The following WDR33 variants were observed in gnomAD, a reference collection of about 807,000 sequenced individuals.
The protein encoded by WDR33 is pre-mRNA 3' end processing protein WDR33.
In WDR33, 47 loss-of-function variants were observed where a neutral mutation model predicts 164.9. The ratio of observed to expected loss-of-function variants is 0.29; its 90% CI spans 0.23 to 0.36. The LOEUF is 0.36. Among genes scored for constraint, WDR33 ranks in the 10% least tolerant of loss-of-function variants. The pLI, the probability that WDR33 is intolerant of heterozygous loss-of-function variation, is 1.00. For missense variants in WDR33, 1,137 were observed against 1,754.1 expected (o/e 0.65, Z 6.28); for synonymous variants, 505 against 589.0 (o/e 0.86, Z 2.06).
At position 127,719,655 on chromosome 2, in the gene WDR33, G is replaced by A. The variant is rs983026852; in HGVS notation, c.2370C>T (p.Pro790=). Residue 790 remains proline (P), a synonymous_variant, in exon 16 of 22, where the codon CCC becomes CCT. Transcript: ENST00000322313. This position sits in a 1 kb window ranked among gnomAD's most constrained non-coding sequence, Gnocchi z 6.5. ...GGGGAGCAGGACCCTGGTTCTCCCG[G>A]GGGCCTGGAGGCCCCTGCATTCCTC... ...NPRGMQGPPG[P]RENQGPAPQG... 1 of 1,612,776 alleles carries A rather than the reference G, an allele frequency of 6.2e-7. No homozygotes were observed. The highest frequency in any genetic ancestry group is 2.2e-5 in the East Asian group (1 of 44,850).
intron 18 of WDR33, among the ~76,000 whole-genome samples, chr2:127,711,600 C>T (rs924499120): frequency 4.7e-5 from 7 of 149,896 alleles, no homozygotes; most frequent in South Asian, 4.2e-4. Flanking sequence ...GGAGCCCTTA[C>T]GTCTTTATTT....
Position 127,722,965 on chromosome 2 carries a change from T to C in WDR33, c.1371A>G (p.Glu457=). The change falls in exon 13 of 22, where the codon GAA becomes GAG. Residue 457 remains glutamate, a synonymous_variant. Transcript: ENST00000322313. This position sits in a 1 kb window ranked among gnomAD's most constrained non-coding sequence, Gnocchi z 5.1. The part of the protein sequence containing the change: ...PEQLKLAMEQ[E]QMGKDESNEI... ...CTGTGTAACTTCTCTTACCCATCTG[T>C]TCTTGTTCCATAGCTAATTTTAGTT... is the stretch of plus-strand genomic sequence containing the variant. The C allele has an allele frequency of 6.2e-7, 1 of 1,609,760 alleles. No homozygotes were observed. The highest frequency in any genetic ancestry group is 1.7e-4 in the Middle Eastern group (1 of 6,028).
At chr2:127,781,583 ATCTCTGTATTAAGGATC>A (rs922588668) in intron 1 of WDR33, among the ~76,000 whole-genome samples, 4 of 152,148 alleles carry the variant, frequency 2.6e-5, no homozygotes, top group Non-Finnish European at 5.9e-5. Flanking sequence ...CATAAATAGA[ATCTCTGTATTAAGGATC>A]TCTCTGTATT....
At chr2:127,737,658 T>G in intron 7 of WDR33, 1 of 1,033,738 alleles carries the variant, frequency 9.7e-7, no homozygotes, top group Non-Finnish European at 1.2e-6. Flanking sequence ...AAGCCATGAC[T>G]GAAGCCCCTG....
chr2:127,769,015 A>AAATG lies in WDR33; in HGVS notation c.205-15_205-14insCATT, dbSNP rs770251827. 2.1e-4 allele frequency: 251 copies of AAATG among 1,216,350 alleles called. 5 individuals are homozygous for AAATG. Among genetic ancestry groups the AAATG allele is most frequent in the East Asian group, 2.2e-4 (7 of 31,346 alleles). The allele number at this position is 1,216,350 out of a possible 1,614,324, so 75.3% of individuals were successfully genotyped here. On this transcript the variant is annotated splice_polypyrimidine_tract_variant and intron_variant, in intron 2 of 21. Transcript: ENST00000322313. The stretch of plus-strand genomic sequence containing the variant: ...CCATATTCTGTTCTGTTAAATAAAT[A>AAATG]AATAAATAAATAAATAAATAAATAG...
At position 127,717,556 on chromosome 2, in the gene WDR33, A is replaced by C. The variant is rs1686331589; in HGVS notation, c.2761-293T>G. Reference sequence around the variant, plus strand: ...CAGAAATTCTAACACAGCAGCACTAAATTAAACCAATTAAAACAACTGGTT... The same window carrying C: ...CAGAAATTCTAACACAGCAGCACTACATTAAACCAATTAAAACAACTGGTT... On this transcript the variant is annotated intron_variant, in intron 16 of 21. Coordinates refer to ENST00000322313, the MANE Select transcript of WDR33 (RefSeq NM_018383.5). The surrounding 1 kb of genome is among the most constrained non-coding windows in gnomAD (Gnocchi z 5.6). 1.3e-5 allele frequency among the ~76,000 whole-genome samples: 2 copies of C among 152,242 alleles called. No individual in the cohort carries two copies. The highest frequency in any genetic ancestry group is 4.1e-4 in the South Asian group (2 of 4,834).
chr2:127,796,212 T>C (rs970593279), intron 1 of WDR33, among the ~76,000 whole-genome samples: 1 of 151,662 alleles, frequency 6.6e-6, no homozygotes, highest in South Asian at 2.1e-4. Context: ...GCTGGGACTA[T>C]ACAGCATGTG....
In WDR33 at chr2:127,701,661, G is replaced by C. The variant is rs1235655092; in HGVS notation, c.*4662C>G. On this transcript the variant is annotated 3_prime_UTR_variant, in exon 22 of 22. Coordinates refer to ENST00000322313, the MANE Select transcript of WDR33 (RefSeq NM_018383.5). ...GGACCGGCCGGCGGAGGAGTGGCTG[G>C]GCCGCGCGGGCTTGCGCTGGACGTG... 7.7e-7 allele frequency: 1 copy of C among 1,292,282 alleles called. No individual in the cohort carries two copies. The highest frequency in any genetic ancestry group is 1.6e-5 in the African/African-American group (1 of 64,354). The allele number at this position is 1,292,282 out of a possible 1,614,324, so 80.1% of individuals were successfully genotyped here. A position where few individuals can be genotyped will look rare whatever the true frequency, so the allele number is the denominator to read the frequency against.
At chr2:127,788,466 C>CG (rs1688696450) in intron 1 of WDR33, among the ~76,000 whole-genome samples, 1 of 121,170 alleles carries the variant, frequency 8.3e-6, no homozygotes, top group African/African-American at 3.4e-5. Flanking sequence ...GCTGGCCGGG[C>CG]GGGGGGCTGA....
chr2:127,771,982 G>A (rs190635099), intron 1 of WDR33, among the ~76,000 whole-genome samples: 45 of 152,208 alleles, frequency 3.0e-4, no homozygotes, highest in African/African-American at 9.6e-4. Flanking sequence ...GGATCACTGG[G>A]AATTGTTCAC....
intron 1 of WDR33, among the ~76,000 whole-genome samples, chr2:127,795,824 G>A (rs1558961611): frequency 6.7e-6 from 1 of 148,716 alleles, no homozygotes; most frequent in Non-Finnish European, 1.5e-5. Flanking sequence ...ACACAGCAAG[G>A]CTTTGTCTCC....
chr2:127,726,634 G>T lies in WDR33; in HGVS notation c.851+17C>A. ...TCCCCTTTGTTCAGGGGCCAAGGTG[G>T]GGTTCCTGTCACTTACAGTGTTGCA... On this transcript the variant is annotated intron_variant, in intron 8 of 21. Transcript: ENST00000322313. This position sits in a 1 kb window ranked among gnomAD's most constrained non-coding sequence, Gnocchi z 4.8. 6.2e-7 allele frequency: 1 copy of T among 1,613,460 alleles called. No individual in the cohort carries two copies. Among genetic ancestry groups the T allele is most frequent in the Non-Finnish European group, 8.5e-7 (1 of 1,179,684 alleles).
intron 7 of WDR33, chr2:127,736,656 A>G (rs1686853344): frequency 2.0e-6 from 2 of 985,362 alleles, no homozygotes; most frequent in South Asian, 9.4e-5. Context: ...CAAATAGGTT[A>G]GAAATTGAAA....
rs55641967 is a variant in WDR33 at position 127,770,692 on chromosome 2, AAAATAAATAAATAAAT to A, written c.204+70_204+85del. 918 of 586,232 alleles carry A rather than the reference AAAATAAATAAATAAAT, an allele frequency of 1.6e-3. 14 individuals carry two copies. The highest frequency in any genetic ancestry group is 4.2e-3 in the African/African-American group (204 of 48,728). 36.3% of individuals were successfully genotyped at this position (586,232 alleles called of 1,614,324 possible). On this transcript the variant is annotated intron_variant, in intron 2 of 21. Transcript: ENST00000322313. This position sits in a 1 kb window ranked among gnomAD's most constrained non-coding sequence, Gnocchi z 4.9. ...GGCAACAAGAAAGAAACTCCATCTC[AAAATAAATAAATAAAT>A]AAATAAATAAATAAATAAATAAATA...
chr2:127,771,396 A>G (rs558580515), intron 1 of WDR33, among the ~76,000 whole-genome samples: 6 of 152,220 alleles, frequency 3.9e-5, no homozygotes, highest in Non-Finnish European at 8.8e-5. Context: ...GACACCATAG[A>G]AAAGTATGAT....
chr2:127,723,762 T>TA lies in WDR33; in HGVS notation c.1197-416dup, dbSNP rs1686496698. Reference sequence around the variant, plus strand: ...GGTGACAGAGTGAGACTCTGTCTCTTAAAATAATAATAAAAATAAAAATAA... The same window carrying TA: ...GGTGACAGAGTGAGACTCTGTCTCTTAAAAATAATAATAAAAATAAAAATAA... On this transcript the variant is annotated intron_variant, in intron 11 of 21. Transcript: ENST00000322313. The surrounding 1 kb of genome is among the most constrained non-coding windows in gnomAD (Gnocchi z 5.9). Among the ~76,000 whole-genome samples, 1 of 150,580 alleles carries TA rather than the reference T, an allele frequency of 6.6e-6. No homozygotes were observed.
chr2:127,798,525 T>C (rs941817986), intron 1 of WDR33, among the ~76,000 whole-genome samples: 2 of 152,118 alleles, frequency 1.3e-5, no homozygotes, highest in Non-Finnish European at 2.9e-5. Flanking sequence ...TAAGCTTTTA[T>C]GAGCCTCTTG....
At chr2:127,808,908 TA>T (rs1222970874) in intron 1 of WDR33, among the ~76,000 whole-genome samples, 2 of 151,906 alleles carry the variant, frequency 1.3e-5, no homozygotes, top group African/African-American at 4.8e-5. Context: ...CGGGCGCCTA[TA>T]GTCCCAGCTA....
chr2:127,776,421 C>T (rs557773644), intron 1 of WDR33, among the ~76,000 whole-genome samples: 10 of 152,302 alleles, frequency 6.6e-5, no homozygotes, highest in Non-Finnish European at 1.2e-4. Context: ...CCTGACTCTC[C>T]TTCAACAGAG....
Sources: gnomAD v4.1 joint callset for allele counts (sites outside exome capture counted in the v4.1 genomes callset) on GRCh38, gnomAD v4.1.1 for gene constraint, Gnocchi (gnomAD v3.1) non-coding constraint, MANE v1.5 for transcripts, NCBI Gene and HGNC (gene_info 2026-07-23, HGNC 2026-07-21) for gene names.